FSTL4: variants seen among roughly 807,000 people sequenced by gnomAD.
FSTL4 encodes follistatin like 4.
FSTL4 carries 28 observed loss-of-function variants against 78.2 expected under a neutral mutation model. That is an observed-to-expected ratio of 0.36 (90% CI 0.27 to 0.49). FSTL4 has a LOEUF of 0.49. Among genes scored for constraint, FSTL4 ranks in the 20% least tolerant of loss-of-function variants. FSTL4 has a pLI of 0.98. For synonymous variants in FSTL4, 422 were observed against 440.5 expected (o/e 0.96, Z 0.53); for missense variants, 922 against 1,084.9 (o/e 0.85, Z 2.11).
chr5:133,807,647 G>A, the FSTL4 span, among the ~76,000 whole-genome samples: 1 of 152,206 alleles, frequency 6.6e-6, no homozygotes, highest in South Asian at 2.1e-4. Flanking sequence ...GTGGGCCGTT[G>A]AGGCAACGCC....
chr5:133,498,385 C>T (rs1318826773), intron 3 of FSTL4, among the ~76,000 whole-genome samples: 1 of 152,180 alleles, frequency 6.6e-6, no homozygotes, highest in African/African-American at 2.4e-5. Context: ...TACATCTATA[C>T]ATTATTGATA....
intron 3 of FSTL4, among the ~76,000 whole-genome samples, chr5:133,513,457 T>C (rs1758780992): frequency 6.6e-6 from 1 of 152,166 alleles, no homozygotes. Context: ...GTATACACTA[T>C]GAACTGCAGT....
the FSTL4 span, among the ~76,000 whole-genome samples, chr5:133,724,230 G>T: frequency 1.3e-5 from 2 of 152,064 alleles, no homozygotes; most frequent in Non-Finnish European, 2.9e-5. Flanking sequence ...AGCAAAGACT[G>T]CAGTGTCTGT....
intron 3 of FSTL4, among the ~76,000 whole-genome samples, chr5:133,542,922 C>CT (rs200858815): frequency 0.09 from 12,852 of 143,388 alleles, 684 homozygotes; most frequent in Non-Finnish European, 0.12. Flanking sequence ...TTCTGTTGTA[C>CT]TTTTTTTTTT....
intron 3 of FSTL4, among the ~76,000 whole-genome samples, chr5:133,524,580 G>T (rs1759051421): frequency 6.6e-6 from 1 of 152,214 alleles, no homozygotes; most frequent in African/African-American, 2.4e-5. Context: ...GTAGACAGGG[G>T]CACCACAGAA....
In FSTL4 at chr5:133,361,595, A is replaced by G. The variant is rs966895476; in HGVS notation, c.409+39143T>C. Among the ~76,000 whole-genome samples, 13 of 152,150 alleles carry G rather than the reference A, an allele frequency of 8.5e-5. No individual in the cohort carries two copies. The highest frequency in any genetic ancestry group is 2.6e-4 in the Admixed American group (4 of 15,284). The stretch of plus-strand genomic sequence containing the variant: ...CCAAATGTCCCTTTTTACCCCAAAA[A>G]TTTCCCTAAAAATTTTGAGACTGGG... On this transcript the variant is annotated intron_variant, in intron 4 of 15. Coordinates refer to ENST00000265342, the MANE Select transcript of FSTL4 (RefSeq NM_015082.2). The surrounding 1 kb of genome is among the most constrained non-coding windows in gnomAD (Gnocchi z 4.3).
intron 3 of FSTL4, among the ~76,000 whole-genome samples, chr5:133,549,038 C>T (rs73788143): frequency 0.017 from 2,547 of 152,208 alleles, 71 homozygotes; most frequent in African/African-American, 0.057. Context: ...ATCATTTTGT[C>T]CTTAGTATTC....
At chr5:133,579,284 G>C (rs941031569) in intron 2 of FSTL4, among the ~76,000 whole-genome samples, 4 of 152,162 alleles carry the variant, frequency 2.6e-5, no homozygotes, top group Non-Finnish European at 5.9e-5. Context: ...AAGATCTCCT[G>C]GTAAGAATAT....
At chr5:133,581,320 T>C (rs1760401473) in intron 2 of FSTL4, among the ~76,000 whole-genome samples, 1 of 152,168 alleles carries the variant, frequency 6.6e-6, no homozygotes, top group African/African-American at 2.4e-5. Context: ...CCAGTTTTAT[T>C]CCCTGTCCTC....
In FSTL4 at chr5:133,365,045, A is replaced by G. The variant is rs866489039; in HGVS notation, c.409+35693T>C. ...GTGGAAAGCCCTCAGAAAGCCCTCT[A>G]TTTTAGCGCACAGAAGGTTAATTGC... On this transcript the variant is annotated intron_variant, in intron 4 of 15. Coordinates refer to ENST00000265342, the MANE Select transcript of FSTL4 (RefSeq NM_015082.2). 3.3e-5 allele frequency among the ~76,000 whole-genome samples: 5 copies of G among 152,262 alleles called. 1 individual carries two copies. Among genetic ancestry groups the G allele is most frequent in the Middle Eastern group, 6.8e-3 (2 of 294 alleles).
chr5:133,416,810 G>A (rs1311464666), intron 3 of FSTL4, among the ~76,000 whole-genome samples: 2 of 152,180 alleles, frequency 1.3e-5, no homozygotes, highest in African/African-American at 4.8e-5. Flanking sequence ...AATGACTCAA[G>A]CACTGTTCTG....
At chr5:133,452,719 G>A (rs1757409532) in intron 3 of FSTL4, among the ~76,000 whole-genome samples, 1 of 152,256 alleles carries the variant, frequency 6.6e-6, no homozygotes, top group Non-Finnish European at 1.5e-5. Context: ...TTTGAATCCA[G>A]GAAAGCAGGA....
the FSTL4 span, among the ~76,000 whole-genome samples, chr5:133,631,274 T>C: frequency 1.3e-5 from 2 of 150,366 alleles, no homozygotes; most frequent in Non-Finnish European, 3.0e-5. Flanking sequence ...ATATCCAGAA[T>C]CTACAAGGAA....
chr5:133,490,330 GTT>G (rs1356539505), intron 3 of FSTL4, among the ~76,000 whole-genome samples: 7 of 150,292 alleles, frequency 4.7e-5, no homozygotes, highest in Non-Finnish European at 1.0e-4. Context: ...GCACATAAGC[GTT>G]TACTGCCAGT....
At chr5:133,636,314 G>A in the FSTL4 span, among the ~76,000 whole-genome samples, 1 of 152,172 alleles carries the variant, frequency 6.6e-6, no homozygotes, top group South Asian at 2.1e-4. Context: ...CTCTCTGAGT[G>A]GGATAGAAAG....
intron 4 of FSTL4, among the ~76,000 whole-genome samples, chr5:133,383,011 C>T (rs1755611173): frequency 6.6e-6 from 1 of 152,198 alleles, no homozygotes; most frequent in Non-Finnish European, 1.5e-5. Flanking sequence ...CTGGAGCAGG[C>T]TCTGCGTGCC....
At chr5:133,304,774 G>T (rs1326173176) in intron 6 of FSTL4, among the ~76,000 whole-genome samples, 1 of 152,208 alleles carries the variant, frequency 6.6e-6, no homozygotes, top group Non-Finnish European at 1.5e-5. Context: ...CTGGTGCAGG[G>T]TGCACTGGCC....
intron 3 of FSTL4, among the ~76,000 whole-genome samples, chr5:133,477,192 GAAAGAAAAAAGAA>G (rs1228813835): frequency 3.3e-5 from 5 of 151,800 alleles, no homozygotes; most frequent in African/African-American, 1.2e-4. Flanking sequence ...TAAAAATCTA[GAAAGAAAAAAGAA>G]AAAGAAAAAG....
At chr5:133,753,375 T>C in the FSTL4 span, among the ~76,000 whole-genome samples, 6 of 152,184 alleles carry the variant, frequency 3.9e-5, no homozygotes, top group Admixed American at 3.9e-4. Context: ...CTCAGTGACT[T>C]AACAGCCCTC....
Sources: allele counts gnomAD v4.1 joint callset (sites outside exome capture counted in the v4.1 genomes callset), GRCh38; gene constraint gnomAD v4.1.1; non-coding constraint Gnocchi (gnomAD v3.1); transcripts MANE v1.5; gene names NCBI Gene and HGNC (gene_info 2026-07-23, HGNC 2026-07-21).